The following CNTNAP2 variants were observed in gnomAD, a reference collection of about 807,000 sequenced individuals.
CNTNAP2 encodes the protein contactin-associated protein-like 2.
A neutral mutation model predicts 155.2 loss-of-function variants in CNTNAP2; 98 were observed. That is an observed-to-expected ratio of 0.63 (90% CI 0.54 to 0.75). The LOEUF is 0.75. Ranked by LOEUF, CNTNAP2 falls within the 30% of genes least tolerant of loss-of-function variation. The pLI is 0.00. For missense variants in CNTNAP2, 1,727 were observed against 1,688.1 expected, an observed-to-expected ratio of 1.02 and a Z score of -0.40; for synonymous variants, 651 against 631.2, an observed-to-expected ratio of 1.03 and a Z score of -0.47.
chr7:146,321,479 G>C (rs10255186), intron 1 of CNTNAP2, among the ~76,000 whole-genome samples: 10,304 of 152,118 alleles, frequency 0.068, 994 homozygotes, highest in African/African-American at 0.21. Flanking sequence ...CACTGAGCTT[G>C]CACCTTCCTC....
intron 8 of CNTNAP2, among the ~76,000 whole-genome samples, chr7:147,180,170 T>C (rs553470360): frequency 2.6e-5 from 4 of 152,294 alleles, no homozygotes; most frequent in Admixed American, 2.0e-4. Context: ...CCCATGTTCA[T>C]TTCCTTGAAG....
At chr7:147,657,505 G>A (rs1194346570) in intron 13 of CNTNAP2, among the ~76,000 whole-genome samples, 1 of 151,012 alleles carries the variant, frequency 6.6e-6, no homozygotes, top group Non-Finnish European at 1.5e-5. Context: ...ATATTTTTAA[G>A]AACTGTTTTT....
At chr7:147,705,845 G>A (rs867774072) in intron 13 of CNTNAP2, among the ~76,000 whole-genome samples, 1 of 152,176 alleles carries the variant, frequency 6.6e-6, no homozygotes, top group South Asian at 2.1e-4. Context: ...CTTAAAGTCT[G>A]TGTTTTCTCA....
At chr7:147,085,053 C>A (rs1339293142) in intron 4 of CNTNAP2, among the ~76,000 whole-genome samples, 1 of 151,918 alleles carries the variant, frequency 6.6e-6, no homozygotes, top group Non-Finnish European at 1.5e-5. Context: ...AGCATTTTTT[C>A]TCCAAGTTAG....
At chr7:148,168,436 A>G (rs574774784) in intron 17 of CNTNAP2, among the ~76,000 whole-genome samples, 1 of 152,178 alleles carries the variant, frequency 6.6e-6, no homozygotes, top group South Asian at 2.1e-4. Context: ...GCTGGAAACC[A>G]TCATTCTCAG....
chr7:146,135,306 C>T lies in CNTNAP2; in HGVS notation c.97+18333C>T, dbSNP rs539892338. Among the ~76,000 whole-genome samples the T allele has an allele frequency of 9.2e-4, 140 of 151,762 alleles. 1 individual carries two copies. Among genetic ancestry groups the T allele is most frequent in the African/African-American group, 3.2e-3 (132 of 41,408 alleles). On this transcript the variant is annotated intron_variant, in intron 1 of 23. Coordinates refer to ENST00000361727, the MANE Select transcript of CNTNAP2 (RefSeq NM_014141.6). ...AGTGTAGTTCTATGATATGATTAGA[C>T]GAAAAAAATTCAGAAAGATGTAGAT...
At chr7:146,254,558 TA>T (rs1400904582) in intron 1 of CNTNAP2, among the ~76,000 whole-genome samples, 2 of 152,204 alleles carry the variant, frequency 1.3e-5, no homozygotes, top group African/African-American at 4.8e-5. Flanking sequence ...AGTGTTCAGG[TA>T]AATAAAACGT....
intron 8 of CNTNAP2, among the ~76,000 whole-genome samples, chr7:147,206,144 A>T (rs1803018996): frequency 6.6e-6 from 1 of 152,100 alleles, no homozygotes; most frequent in Non-Finnish European, 1.5e-5. Flanking sequence ...AAGAAACGTA[A>T]AAACTTCTTC....
intron 3 of CNTNAP2, among the ~76,000 whole-genome samples, chr7:147,026,065 G>GGCCAGGAC (rs1271752566): frequency 3.9e-5 from 6 of 151,954 alleles, no homozygotes; most frequent in Non-Finnish European, 7.4e-5. Context: ...TCACCATGTT[G>GGCCAGGAC]GCCAGGACGG....
At chr7:146,607,050 A>G (rs1799059829) in intron 1 of CNTNAP2, among the ~76,000 whole-genome samples, 1 of 152,176 alleles carries the variant, frequency 6.6e-6, no homozygotes, top group Non-Finnish European at 1.5e-5. Context: ...TATCTTATTT[A>G]TTCTAAGGAA....
At chr7:147,109,089 C>A (rs1800824614) in intron 5 of CNTNAP2, among the ~76,000 whole-genome samples, 1 of 152,164 alleles carries the variant, frequency 6.6e-6, no homozygotes. Flanking sequence ...AGTCATTAAA[C>A]TGTATGGCTT....
intron 11 of CNTNAP2, among the ~76,000 whole-genome samples, chr7:147,537,858 AT>A (rs1383013984): frequency 6.6e-6 from 1 of 152,204 alleles, no homozygotes; most frequent in African/African-American, 2.4e-5. Flanking sequence ...AAAAAGGGCT[AT>A]TTTTAAGTTT....
intron 1 of CNTNAP2, among the ~76,000 whole-genome samples, chr7:146,559,834 G>A (rs1798253607): frequency 9.1e-6 from 1 of 110,438 alleles, no homozygotes; most frequent in Non-Finnish European, 1.8e-5. Flanking sequence ...GAATGCTGTT[G>A]TCATTTAAAT....
intron 1 of CNTNAP2, among the ~76,000 whole-genome samples, chr7:146,237,196 G>T (rs1034855339): frequency 1.1e-4 from 17 of 152,230 alleles, no homozygotes; most frequent in African/African-American, 3.9e-4. Context: ...GGCCTTGTGT[G>T]ACTTTAACCC....
At chr7:147,904,822 T>A (rs1223545638) in intron 14 of CNTNAP2, among the ~76,000 whole-genome samples, 1 of 152,168 alleles carries the variant, frequency 6.6e-6, no homozygotes, top group African/African-American at 2.4e-5. Context: ...TAAATAGCTA[T>A]CATTAATCTT....
intron 16 of CNTNAP2, 136 bp downstream of exon 16, chr7:148,118,424 C>T: frequency 2.1e-6 from 2 of 963,576 alleles, no homozygotes; most frequent in Non-Finnish European, 3.2e-6. Context: ...TAGAGGTGGA[C>T]ACACAAGCCT....
At chr7:146,433,147 G>T (rs1355907352) in intron 1 of CNTNAP2, among the ~76,000 whole-genome samples, 1 of 152,102 alleles carries the variant, frequency 6.6e-6, no homozygotes, top group Non-Finnish European at 1.5e-5. Flanking sequence ...CCAGAACGTA[G>T]GGTGATTAGT....
At chr7:147,000,936 C>A (rs1246420699) in intron 3 of CNTNAP2, among the ~76,000 whole-genome samples, 1 of 152,072 alleles carries the variant, frequency 6.6e-6, no homozygotes, top group Admixed American at 6.6e-5. Flanking sequence ...TATGGTGGGT[C>A]TAAAGGATCA....
chr7:147,992,053 C>G (rs1801718551), intron 15 of CNTNAP2, among the ~76,000 whole-genome samples: 1 of 142,016 alleles, frequency 7.0e-6, no homozygotes, highest in African/African-American at 2.7e-5. Context: ...TTGTACTAAA[C>G]TATTGTAAAA....
Sources: gnomAD v4.1 joint callset for allele counts (sites outside exome capture counted in the v4.1 genomes callset) on GRCh38, gnomAD v4.1.1 for gene constraint, MANE v1.5 for transcripts, NCBI Gene and HGNC (gene_info 2026-07-23, HGNC 2026-07-21) for gene names.